CELF2: variants seen among roughly 807,000 people sequenced by gnomAD.
CELF2 encodes the protein CUGBP Elav-like family member 2.
A neutral mutation model predicts 62.6 loss-of-function variants in CELF2; 8 were observed. The ratio of observed to expected loss-of-function variants is 0.13; its 90% CI spans 0.07 to 0.23. The LOEUF is 0.23. Ranked by LOEUF, CELF2 falls within the 10% of genes least tolerant of loss-of-function variation. CELF2 has a pLI of 1.00. For missense variants in CELF2, 333 were observed against 671.0 expected (o/e 0.50, Z 5.56); for synonymous variants, 258 against 250.0 (o/e 1.03, Z -0.30).
At chr10:11,283,899 G>T (rs2089994484) in intron 8 of CELF2, among the ~76,000 whole-genome samples, 3 of 141,042 alleles carry the variant, frequency 2.1e-5, no homozygotes, top group Non-Finnish European at 3.1e-5. Context: ...GTGGATGATG[G>T]ATGACTGTGT....
intron 8 of CELF2, among the ~76,000 whole-genome samples, chr10:11,286,658 C>T (rs530535006): frequency 1.3e-5 from 2 of 152,320 alleles, no homozygotes; most frequent in East Asian, 1.9e-4. Flanking sequence ...TCAACACCCA[C>T]GTTCTCATGA....
intron 8 of CELF2, among the ~76,000 whole-genome samples, chr10:11,277,072 A>G (rs1417791783): frequency 6.6e-6 from 1 of 152,166 alleles, no homozygotes; most frequent in Non-Finnish European, 1.5e-5. Flanking sequence ...TATTCAGAGT[A>G]TTTGGAATAT....
chr10:11,243,358 TC>T lies in CELF2; in HGVS notation c.355-5794del, dbSNP rs369596330. 2.2e-4 allele frequency among the ~76,000 whole-genome samples: 28 copies of T among 126,194 alleles called. No individual in the cohort carries two copies. Among genetic ancestry groups the T allele is most frequent in the African/African-American group, 8.4e-4 (26 of 31,090 alleles). 82.8% of individuals were successfully genotyped at this position (126,194 alleles called of 152,430 possible). ...CGTGCGGCTTTAGGCAAAATGTTATTCAAAAAAAAAAAAAAAAAGCTTCTAA... is the reference window on the plus strand; with the variant it reads ...CGTGCGGCTTTAGGCAAAATGTTATTAAAAAAAAAAAAAAAAAGCTTCTAA... On this transcript the variant is annotated intron_variant, in intron 3 of 12. Transcript: ENST00000633077. The surrounding 1 kb of genome is among the most constrained non-coding windows in gnomAD (Gnocchi z 4.1).
At chr10:10,818,104 A>T (rs1445046492) in intron 1 of CELF2, among the ~76,000 whole-genome samples, 1 of 152,208 alleles carries the variant, frequency 6.6e-6, no homozygotes, top group Non-Finnish European at 1.5e-5. Flanking sequence ...AGGGTATTTC[A>T]TTGGGGTCAA....
At chr10:10,631,894 G>C in the CELF2 span, among the ~76,000 whole-genome samples, 53 of 152,172 alleles carry the variant, frequency 3.5e-4, no homozygotes, top group Admixed American at 6.5e-5. Context: ...CTGGGAACTT[G>C]GTTCACCTCT....
chr10:10,526,981 C>A, the CELF2 span, among the ~76,000 whole-genome samples: 9 of 152,362 alleles, frequency 5.9e-5, no homozygotes, highest in East Asian at 1.7e-3. Context: ...GCAGTTTGAG[C>A]TGCTCAGGCA....
At chr10:10,510,419 A>G in the CELF2 span, among the ~76,000 whole-genome samples, 1 of 152,226 alleles carries the variant, frequency 6.6e-6, no homozygotes, top group Non-Finnish European at 1.5e-5. Flanking sequence ...AAAACTGAAC[A>G]GCGGGGGAAT....
intron 2 of CELF2, among the ~76,000 whole-genome samples, chr10:11,172,665 C>G (rs1368566919): frequency 2.0e-5 from 3 of 152,144 alleles, no homozygotes; most frequent in African/African-American, 7.2e-5. Context: ...CGTTTTGATC[C>G]TTATATCTCT....
At chr10:11,180,986 C>G (rs1009625321) in intron 2 of CELF2, among the ~76,000 whole-genome samples, 5 of 152,206 alleles carry the variant, frequency 3.3e-5, no homozygotes, top group African/African-American at 1.2e-4. Flanking sequence ...TCTCCTGCCT[C>G]AGCTTCCCTA....
At chr10:10,933,653 T>C (rs1388277084) in intron 2 of CELF2, among the ~76,000 whole-genome samples, 2 of 149,090 alleles carry the variant, frequency 1.3e-5, no homozygotes, top group African/African-American at 4.9e-5. Context: ...ACTTCTATCA[T>C]ATCAACTTCT....
the CELF2 span, among the ~76,000 whole-genome samples, chr10:10,766,526 G>T: frequency 8.4e-4 from 128 of 152,334 alleles, 1 homozygote; most frequent in Middle Eastern, 0.01. Context: ...TGCCACTAGT[G>T]TCTGAGTGGA....
At chr10:11,066,080 G>A (rs771689823) in intron 1 of CELF2, among the ~76,000 whole-genome samples, 2 of 152,248 alleles carry the variant, frequency 1.3e-5, no homozygotes, top group South Asian at 2.1e-4. Flanking sequence ...GAGGAAAAAA[G>A]GAGATCAGGC....
the CELF2 span, among the ~76,000 whole-genome samples, chr10:10,564,069 C>CA: frequency 6.6e-6 from 1 of 152,108 alleles, no homozygotes; most frequent in Non-Finnish European, 1.5e-5. Context: ...TATTTGCATA[C>CA]AAAAAATAAC....
chr10:10,800,973 G>A (rs930590192), intron 1 of CELF2, among the ~76,000 whole-genome samples: 3 of 151,994 alleles, frequency 2.0e-5, no homozygotes, highest in Non-Finnish European at 4.4e-5. Flanking sequence ...GATAAGGCAG[G>A]CTGTAGCTCT....
At chr10:10,667,500 T>A in the CELF2 span, among the ~76,000 whole-genome samples, 1 of 152,250 alleles carries the variant, frequency 6.6e-6, no homozygotes, top group Non-Finnish European at 1.5e-5. Flanking sequence ...TGATCACGAC[T>A]ATAAATCAGT....
chr10:10,714,481 T>C, the CELF2 span, among the ~76,000 whole-genome samples: 1 of 152,100 alleles, frequency 6.6e-6, no homozygotes. Flanking sequence ...GAAAAGAAAG[T>C]GTGAACTAGG....
chr10:11,133,536 A>ATAG (rs1462174215), intron 1 of CELF2, among the ~76,000 whole-genome samples: 4 of 152,190 alleles, frequency 2.6e-5, no homozygotes, highest in Non-Finnish European at 5.9e-5. Context: ...CGTATACAAG[A>ATAG]TAGGGAATGT....
chr10:10,754,185 C>T, the CELF2 span, among the ~76,000 whole-genome samples: 1 of 149,896 alleles, frequency 6.7e-6, no homozygotes, highest in African/African-American at 2.5e-5. Flanking sequence ...TACTCTGTCA[C>T]CCAGGCTGGA....
the CELF2 span, among the ~76,000 whole-genome samples, chr10:10,686,882 T>G: frequency 6.6e-6 from 1 of 152,180 alleles, no homozygotes; most frequent in African/African-American, 2.4e-5. Flanking sequence ...GGATGACTGG[T>G]CCCATGCCCA....
Sources: gnomAD v4.1 joint callset for allele counts (sites outside exome capture counted in the v4.1 genomes callset) on GRCh38, gnomAD v4.1.1 for gene constraint, Gnocchi (gnomAD v3.1) non-coding constraint, MANE v1.5 for transcripts, NCBI Gene and HGNC (gene_info 2026-07-23, HGNC 2026-07-21) for gene names.